AJAP1: variants seen among roughly 807,000 people sequenced by gnomAD.
The protein encoded by AJAP1 is adherens junction-associated protein 1.
Under a neutral mutation model 35.0 loss-of-function variants are expected in AJAP1, and 5 were observed. The observed-to-expected ratio is 0.14, with a 90% CI of 0.07 to 0.30. AJAP1 has a LOEUF of 0.30. Ranked by LOEUF, AJAP1 falls within the 10% of genes least tolerant of loss-of-function variation. The pLI is 1.00. For synonymous variants in AJAP1, 284 were observed against 249.3 expected, an observed-to-expected ratio of 1.14 and a Z score of -1.31; for missense variants, 586 against 571.0, an observed-to-expected ratio of 1.03 and a Z score of -0.27.
rs1638865857 is a variant in AJAP1 at position 4,655,771 on chromosome 1, G to A, written c.29+317G>A. On this transcript the variant is annotated intron_variant, in intron 1 of 5. Coordinates refer to ENST00000378191, the MANE Select transcript of AJAP1 (RefSeq NM_018836.4). This position sits in a 1 kb window ranked among gnomAD's most constrained non-coding sequence, Gnocchi z 6.9. ...GAGCCAGCAGCGCAGTGTCCTGGCCGGCTGCCCCGGCGCGCCTCCTCCCCG... is the reference window on the plus strand; with the variant it reads ...GAGCCAGCAGCGCAGTGTCCTGGCCAGCTGCCCCGGCGCGCCTCCTCCCCG... 6.7e-6 allele frequency among the ~76,000 whole-genome samples: 1 copy of A among 149,120 alleles called. No homozygotes were observed. Among genetic ancestry groups the A allele is most frequent in the South Asian group, 2.1e-4 (1 of 4,808 alleles).
intron 1 of AJAP1, among the ~76,000 whole-genome samples, chr1:4,695,309 G>A (rs985329288): frequency 6.6e-6 from 1 of 152,162 alleles, no homozygotes; most frequent in African/African-American, 2.4e-5. Context: ...TGGCATTTGG[G>A]CACCTTGGTG....
rs1397669416 is a variant in AJAP1, at chr1:4,723,024, A to G, written c.829+10325A>G. 6.6e-6 allele frequency among the ~76,000 whole-genome samples: 1 copy of G among 152,118 alleles called. No individual in the cohort carries two copies. The highest frequency in any genetic ancestry group is 1.5e-5 in the Non-Finnish European group (1 of 68,014). ...ACTGGCTGCTCTCTGAGGGCATTCTAGGGGGAAGACAGGAGGCAATGATAC... is the reference window on the plus strand; with the variant it reads ...ACTGGCTGCTCTCTGAGGGCATTCTGGGGGGAAGACAGGAGGCAATGATAC... On this transcript the variant is annotated intron_variant, in intron 2 of 5. Coordinates refer to ENST00000378191, the MANE Select transcript of AJAP1 (RefSeq NM_018836.4). The surrounding 1 kb of genome is among the most constrained non-coding windows in gnomAD (Gnocchi z 4.3).
At chr1:4,713,178 G>T (rs536091938) in intron 2 of AJAP1, among the ~76,000 whole-genome samples, 3 of 152,214 alleles carry the variant, frequency 2.0e-5, no homozygotes, top group Non-Finnish European at 4.4e-5. Flanking sequence ...ATGGACGGGG[G>T]CAGGGTGCCT....
intron 1 of AJAP1, among the ~76,000 whole-genome samples, chr1:4,657,418 G>T (rs1486868543): frequency 6.6e-6 from 1 of 152,106 alleles, no homozygotes. Flanking sequence ...CTGTCTCCTG[G>T]CCAGAGAAGG....
chr1:4,783,625 G>A lies in AJAP1; in HGVS notation c.*1140G>A, dbSNP rs1163457476. On this transcript the variant is annotated 3_prime_UTR_variant, in exon 6 of 6. Transcript: ENST00000378191. Reference sequence around the variant, plus strand: ...ATTTTTTTTTTTCATTTAAGTGTTGGAAGATGCTACCTAACAGCCACGTTC... The same window carrying A: ...ATTTTTTTTTTTCATTTAAGTGTTGAAAGATGCTACCTAACAGCCACGTTC... 3 of 149,038 alleles carry A rather than the reference G, an allele frequency of 2.0e-5. No individual in the cohort carries two copies. Among genetic ancestry groups the A allele is most frequent in the Non-Finnish European group, 3.0e-5 (2 of 67,488 alleles). 9.2% of individuals were successfully genotyped at this position (149,038 alleles called of 1,614,324 possible).
intron 5 of AJAP1, among the ~76,000 whole-genome samples, chr1:4,781,582 A>G (rs1338068272): frequency 6.6e-6 from 1 of 152,176 alleles, no homozygotes; most frequent in Non-Finnish European, 1.5e-5. Context: ...ACTTTCTGAT[A>G]TGTGTCATCT....
At chr1:4,665,649 G>A (rs146489126) in intron 1 of AJAP1, among the ~76,000 whole-genome samples, 10 of 152,302 alleles carry the variant, frequency 6.6e-5, no homozygotes, top group African/African-American at 2.2e-4. Flanking sequence ...CTGGCCCCAG[G>A]TGAGAGCCAG....
intron 1 of AJAP1, among the ~76,000 whole-genome samples, chr1:4,680,143 C>T (rs916016961): frequency 1.3e-5 from 2 of 152,136 alleles, no homozygotes; most frequent in African/African-American, 4.8e-5. Context: ...GTCTTCTATC[C>T]AGGCCTTCAT....
intron 1 of AJAP1, among the ~76,000 whole-genome samples, chr1:4,703,428 G>A (rs1056923522): frequency 6.6e-6 from 1 of 152,148 alleles, no homozygotes; most frequent in Non-Finnish European, 1.5e-5. Flanking sequence ...CTTGAGTTGG[G>A]GGAGTCAGAG....
At chr1:4,715,281 G>A (rs987837143) in intron 2 of AJAP1, among the ~76,000 whole-genome samples, 2 of 152,268 alleles carry the variant, frequency 1.3e-5, no homozygotes, top group African/African-American at 2.4e-5. Context: ...GTTAGCAGGT[G>A]CCTTGAGGCT....
intron 2 of AJAP1, among the ~76,000 whole-genome samples, chr1:4,741,051 C>T (rs1021700869): frequency 2.6e-5 from 4 of 151,984 alleles, no homozygotes; most frequent in African/African-American, 9.7e-5. Flanking sequence ...GGGCCATGGC[C>T]ACTCAAGGAG....
At position 4,718,514 on chromosome 1, in the gene AJAP1, C is replaced by G. The variant is rs537047000; in HGVS notation, c.829+5815C>G. ...CCTTTTTTTTTTTTTTAGATGGAGT[C>G]TCGTTTTGTCACCAGGCTGGAGTGC... On this transcript the variant is annotated intron_variant, in intron 2 of 5. Coordinates refer to ENST00000378191, the MANE Select transcript of AJAP1 (RefSeq NM_018836.4). 2.0e-5 allele frequency among the ~76,000 whole-genome samples: 3 copies of G among 148,196 alleles called. No homozygotes were observed. In the South Asian group the frequency reaches 6.5e-4, roughly 32 times the overall value.
At chr1:4,747,430 C>T (rs1037262068) in intron 2 of AJAP1, among the ~76,000 whole-genome samples, 5 of 152,196 alleles carry the variant, frequency 3.3e-5, no homozygotes, top group Non-Finnish European at 7.3e-5. Flanking sequence ...CCAGGGCCTC[C>T]TCCTCCTCCT....
chr1:4,688,054 T>C (rs1639646748), intron 1 of AJAP1, among the ~76,000 whole-genome samples: 1 of 152,204 alleles, frequency 6.6e-6, no homozygotes, highest in South Asian at 2.1e-4. Context: ...GAGGAGGTGT[T>C]TCTGCCGAGG....
At chr1:4,740,020 A>G (rs1239868194) in intron 2 of AJAP1, among the ~76,000 whole-genome samples, 1 of 152,170 alleles carries the variant, frequency 6.6e-6, no homozygotes, top group African/African-American at 2.4e-5. Flanking sequence ...GACGGGGTGT[A>G]TCTAAAAGAA....
intron 1 of AJAP1, among the ~76,000 whole-genome samples, chr1:4,705,791 G>A (rs1457831920): frequency 1.3e-5 from 2 of 152,088 alleles, no homozygotes; most frequent in Non-Finnish European, 2.9e-5. Context: ...AACCATCACA[G>A]CCAAGAGGAG....
intron 1 of AJAP1, among the ~76,000 whole-genome samples, chr1:4,702,953 C>T (rs921911639): frequency 6.6e-6 from 1 of 152,166 alleles, no homozygotes; most frequent in African/African-American, 2.4e-5. Flanking sequence ...CGATGGGATT[C>T]AGAAAGCCTT....
chr1:4,714,107 G>A (rs924601117), intron 2 of AJAP1, among the ~76,000 whole-genome samples: 4 of 152,156 alleles, frequency 2.6e-5, no homozygotes, highest in Non-Finnish European at 4.4e-5. Flanking sequence ...GAGAACCTGC[G>A]GTTTTTTTTC....
At chr1:4,722,613 A>G (rs953618951) in intron 2 of AJAP1, among the ~76,000 whole-genome samples, 1 of 152,200 alleles carries the variant, frequency 6.6e-6, no homozygotes, top group African/African-American at 2.4e-5. Flanking sequence ...GTCATGATAC[A>G]AGCAGGGCTG....
Sources: gnomAD v4.1 joint callset for allele counts (sites outside exome capture counted in the v4.1 genomes callset) on GRCh38, gnomAD v4.1.1 for gene constraint, Gnocchi (gnomAD v3.1) non-coding constraint, MANE v1.5 for transcripts, NCBI Gene and HGNC (gene_info 2026-07-23, HGNC 2026-07-21) for gene names.